ANK2: variants seen among roughly 807,000 people sequenced by gnomAD.
ANK2 encodes the protein ankyrin-2.
Under a neutral mutation model 360.5 loss-of-function variants are expected in ANK2, and 83 were observed. The observed-to-expected ratio is 0.23, with a 90% CI of 0.19 to 0.28. ANK2 has a LOEUF of 0.28. ANK2 is among the 10% of genes least tolerant of loss of function. The probability of loss-of-function intolerance (pLI) is 1.00; values close to 1 mark genes in which losing one functional copy is unlikely to be tolerated. For missense variants in ANK2, 4,201 were observed against 4,795.7 expected, an observed-to-expected ratio of 0.88 and a Z score of 3.66; for synonymous variants, 1,740 against 1,759.5, an observed-to-expected ratio of 0.99 and a Z score of 0.28.
intron 1 of ANK2, among the ~76,000 whole-genome samples, chr4:113,084,191 G>A (rs956932526): frequency 7.2e-5 from 11 of 152,210 alleles, no homozygotes; most frequent in Non-Finnish European, 1.6e-4. Flanking sequence ...TGAAAGTGGC[G>A]TGCATCTCTT....
intron 1 of ANK2, among the ~76,000 whole-genome samples, chr4:112,824,439 C>T (rs1038980193): frequency 4.0e-5 from 6 of 151,634 alleles, no homozygotes; most frequent in Non-Finnish European, 7.4e-5. Context: ...TGGCTTCAAG[C>T]AATCCTCCTG....
intron 1 of ANK2, among the ~76,000 whole-genome samples, chr4:113,050,204 A>G (rs547715542): frequency 6.6e-6 from 1 of 152,288 alleles, no homozygotes; most frequent in South Asian, 2.1e-4. Context: ...TTTTGGCCAG[A>G]TGCGTTTGCT....
At chr4:113,032,217 GAGAA>G (rs945315783) in intron 2 of ANK2, among the ~76,000 whole-genome samples, 12 of 152,082 alleles carry the variant, frequency 7.9e-5, no homozygotes, top group African/African-American at 2.9e-4. Flanking sequence ...TTTTTTGAGA[GAGAA>G]AGAGATATAG....
chr4:113,199,814 A>G lies in ANK2; in HGVS notation c.384+705A>G, dbSNP rs148193393. ...GGTTTTCTCCTTTGCCTTTCTGATAACACAGACTATATCATGGAGGATATT... is the reference window on the plus strand; with the variant it reads ...GGTTTTCTCCTTTGCCTTTCTGATAGCACAGACTATATCATGGAGGATATT... On this transcript the variant is annotated intron_variant, in intron 4 of 45. Transcript: ENST00000357077. 2.0e-5 allele frequency among the ~76,000 whole-genome samples: 3 copies of G among 152,304 alleles called. No individual in the cohort carries two copies. In the East Asian group the frequency reaches 5.8e-4, roughly 29 times the overall value.
chr4:113,191,068 G>T (rs2098653998), intron 2 of ANK2, among the ~76,000 whole-genome samples: 1 of 152,260 alleles, frequency 6.6e-6, no homozygotes, highest in South Asian at 2.1e-4. Context: ...GGCTGGGTAT[G>T]GTGGTTCACG....
intron 1 of ANK2, among the ~76,000 whole-genome samples, chr4:112,818,419 G>T (rs1281955118): frequency 6.6e-6 from 1 of 152,222 alleles, no homozygotes; most frequent in African/African-American, 2.4e-5. Context: ...TTCAAAGGCA[G>T]CGCTGATGTG....
the ANK2 span, among the ~76,000 whole-genome samples, chr4:112,722,730 A>G: frequency 6.6e-6 from 1 of 152,188 alleles, no homozygotes; most frequent in Non-Finnish European, 1.5e-5. Context: ...CTTAGTAGCC[A>G]TCTTGCAGAC....
intron 1 of ANK2, among the ~76,000 whole-genome samples, chr4:113,092,388 A>C (rs1253836273): frequency 2.6e-5 from 4 of 152,300 alleles, no homozygotes; most frequent in African/African-American, 9.6e-5. Context: ...TTGTTAATTA[A>C]AGTGTCCATG....
chr4:113,033,743 T>A (rs527366099), intron 2 of ANK2: 17 of 152,044 alleles, frequency 1.1e-4, no homozygotes, highest in Admixed American at 3.9e-4. Context: ...AAATGGATAG[T>A]TTCCATTTAA....
chr4:113,277,939 A>G lies in ANK2; in HGVS notation c.1782+4A>G. 1 of 1,610,028 alleles carries G rather than the reference A, an allele frequency of 6.2e-7. No homozygotes were observed. Among genetic ancestry groups the G allele is most frequent in the Non-Finnish European group, 8.5e-7 (1 of 1,176,390 alleles). On this transcript the variant is annotated splice_donor_region_variant and intron_variant, in intron 16 of 45. Coordinates refer to ENST00000357077, the MANE Select transcript of ANK2 (RefSeq NM_001148.6). ...TGCCGCAGATTCTGCAGGGAAGGTA[A>G]AGATTTTCTATACGTTATAATTATG...
chr4:112,977,278 TTTC>T (rs1372330411), intron 2 of ANK2, among the ~76,000 whole-genome samples: 1 of 152,182 alleles, frequency 6.6e-6, no homozygotes, highest in Non-Finnish European at 1.5e-5. Flanking sequence ...ATGAATTACC[TTTC>T]TTCTTTAAAT....
chr4:113,150,745 C>T (rs745690962), intron 1 of ANK2, among the ~76,000 whole-genome samples: 1 of 152,156 alleles, frequency 6.6e-6, no homozygotes, highest in African/African-American at 2.4e-5. Context: ...GTATTGGACT[C>T]ATTAGAAAGA....
chr4:113,323,225 CT>C (rs149816541), intron 26 of ANK2, among the ~76,000 whole-genome samples: 1 of 151,620 alleles, frequency 6.6e-6, no homozygotes, highest in African/African-American at 2.4e-5. Context: ...GTTTGCATAG[CT>C]TTTTTTTGCG....
chr4:113,125,086 AT>A (rs945711115), intron 1 of ANK2, among the ~76,000 whole-genome samples: 5 of 152,100 alleles, frequency 3.3e-5, no homozygotes, highest in Non-Finnish European at 5.9e-5. Flanking sequence ...CTTTTTATAT[AT>A]TTTTGCATAG....
intron 10 of ANK2, among the ~76,000 whole-genome samples, chr4:113,250,375 A>G (rs796077761): frequency 2.6e-5 from 4 of 152,330 alleles, no homozygotes; most frequent in African/African-American, 4.8e-5. Context: ...ACAAGTTGCA[A>G]TAGGCCACCT....
intron 1 of ANK2, among the ~76,000 whole-genome samples, chr4:113,135,523 C>CTGTG (rs33960021): frequency 0.012 from 1,810 of 149,414 alleles, 24 homozygotes; most frequent in Non-Finnish European, 0.019. Context: ...GTGTGTCTCT[C>CTGTG]TGTGTGTGTG....
intron 23 of ANK2, among the ~76,000 whole-genome samples, chr4:113,309,435 CA>C (rs1350509033): frequency 6.6e-6 from 1 of 152,174 alleles, no homozygotes; most frequent in Non-Finnish European, 1.5e-5. Context: ...CATCAAAATG[CA>C]CAAAATAAGG....
At chr4:113,046,668 A>G (rs1283986466), upstream of ANK2, among the ~76,000 whole-genome samples, 1 of 152,052 alleles carries the variant, frequency 6.6e-6, no homozygotes, top group Admixed American at 6.6e-5. Flanking sequence ...CCAGCCTCAG[A>G]ACTGTGACAA....
At chr4:113,129,976 G>A (rs1311521703) in intron 1 of ANK2, among the ~76,000 whole-genome samples, 1 of 152,106 alleles carries the variant, frequency 6.6e-6, no homozygotes, top group Non-Finnish European at 1.5e-5. Context: ...ACTTTATTTA[G>A]TTTGAATTAC....
Sources: gnomAD v4.1 joint callset for allele counts (sites outside exome capture counted in the v4.1 genomes callset) on GRCh38, gnomAD v4.1.1 for gene constraint, MANE v1.5 for transcripts, NCBI Gene and HGNC (gene_info 2026-07-23, HGNC 2026-07-21) for gene names.